Variants in PADI2 observed in about 807,000 individuals in gnomAD.
The protein encoded by PADI2 is protein-arginine deiminase type-2.
PADI2 carries 70 observed loss-of-function variants against 81.1 expected under a neutral mutation model. That is an observed-to-expected ratio of 0.86 (90% CI 0.71 to 1.05). PADI2 has a LOEUF of 1.05. PADI2 is among the 50% of genes least tolerant of loss of function. PADI2 has a pLI of 0.00. For synonymous variants in PADI2, 338 were observed against 358.0 expected (o/e 0.94, Z 0.63); for missense variants, 853 against 889.9 (o/e 0.96, Z 0.53).
chr1:17,096,676 G>A (rs1317895093), intron 3 of PADI2, among the ~76,000 whole-genome samples: 1 of 152,246 alleles, frequency 6.6e-6, no homozygotes, highest in Non-Finnish European at 1.5e-5. Flanking sequence ...CATGGAGACA[G>A]GCTTTGTGGA....
intron 1 of PADI2, among the ~76,000 whole-genome samples, chr1:17,114,952 G>A (rs1252276294): frequency 6.6e-6 from 1 of 152,192 alleles, no homozygotes; most frequent in African/African-American, 2.4e-5. Context: ...GGTAGGGCCT[G>A]GCACACTATG....
At chr1:17,083,390 T>C (rs556132978) in intron 9 of PADI2, 9 of 248,756 alleles carry the variant, frequency 3.6e-5, no homozygotes, top group Non-Finnish European at 6.2e-5. Context: ...CTGAATATGT[T>C]TTCCGTTGAG....
rs543421853 is a variant in PADI2 at position 17,086,443 on chromosome 1, A to T, written c.834+78T>A. ...CGCTTTGAGCAGGGTGGAGCATAGCATAGGAATGGCCCACTAGTAGGAGAC... is the reference window on the plus strand; with the variant it reads ...CGCTTTGAGCAGGGTGGAGCATAGCTTAGGAATGGCCCACTAGTAGGAGAC... On this transcript the variant is annotated intron_variant, in intron 7 of 15. Transcript: ENST00000375486. 2.4e-6 allele frequency: 3 copies of T among 1,242,140 alleles called. No individual in the cohort carries two copies. The East Asian group carries it at 7.6e-5, about 31-fold the overall frequency. The allele number at this position is 1,242,140 out of a possible 1,614,324, so 76.9% of individuals were successfully genotyped here.
At chr1:17,073,711 T>C (rs1433123435) in intron 13 of PADI2, among the ~76,000 whole-genome samples, 1 of 151,966 alleles carries the variant, frequency 6.6e-6, no homozygotes, top group Non-Finnish European at 1.5e-5. Context: ...AATCACACAA[T>C]ACACCCAGGT....
intron 1 of PADI2, among the ~76,000 whole-genome samples, chr1:17,114,223 G>A (rs1470531098): frequency 2.0e-5 from 3 of 152,230 alleles, no homozygotes; most frequent in African/African-American, 7.2e-5. Flanking sequence ...TGAGGCTGGG[G>A]GTGGGGAGCT....
At chr1:17,092,712 G>A (rs979632855) in intron 5 of PADI2, among the ~76,000 whole-genome samples, 179 bp from the exon 6 acceptor site, 1 of 151,824 alleles carries the variant, frequency 6.6e-6, no homozygotes, top group Non-Finnish European at 1.5e-5. Context: ...GCTTTGGGAG[G>A]TTGAGGTGGG....
At position 17,069,067 on chromosome 1, in the gene PADI2, T is replaced by G. The variant is rs2078245531; in HGVS notation, c.1975A>C (p.Lys659Gln). 1 of 1,614,112 alleles carries G rather than the reference T, an allele frequency of 6.2e-7. No homozygotes were observed. The highest frequency in any genetic ancestry group is 2.2e-5 in the East Asian group (1 of 44,884). The change falls in exon 16 of 16, where the codon AAG becomes CAG. Residue 659 changes from lysine (K) to glutamine (Q), a missense_variant. Transcript: ENST00000375486. Reference sequence around the variant, plus strand: ...GGTCAGGGCACCATGTGCCACCACTTGAAGGTGAAGGGCTTCCTGCGGACG... The same window carrying G: ...GGTCAGGGCACCATGTGCCACCACTGGAAGGTGAAGGGCTTCCTGCGGACG... ...TNVRRKPFTF[K>Q]WWHMVP
chr1:17,094,672 A>G (rs893522689), intron 4 of PADI2, among the ~76,000 whole-genome samples: 14 of 152,224 alleles, frequency 9.2e-5, no homozygotes, highest in African/African-American at 3.4e-4. Context: ...GGAACATAAA[A>G]GATGCTCAGC....
At chr1:17,097,450 C>A (rs1413094424) in intron 3 of PADI2, among the ~76,000 whole-genome samples, 1 of 152,204 alleles carries the variant, frequency 6.6e-6, no homozygotes, top group African/African-American at 2.4e-5. Flanking sequence ...GTGTCCCAGC[C>A]TCTGCAGCTG....
rs115427874 is a variant in PADI2 at position 17,098,632 on chromosome 1, A to G, written c.350-2662T>C. On this transcript the variant is annotated intron_variant, in intron 3 of 15. Coordinates refer to ENST00000375486, the MANE Select transcript of PADI2 (RefSeq NM_007365.3). ...CAGGTTTCGTTACCTTCCTGTTACG[A>G]AATGTGGGCATTTCACAGTGTGGCT... 2.4e-3 allele frequency among the ~76,000 whole-genome samples: 370 copies of G among 152,252 alleles called. 2 individuals carry two copies. Among genetic ancestry groups the G allele is most frequent in the African/African-American group, 8.7e-3 (363 of 41,540 alleles).
At chr1:17,111,782 A>G (rs1245906345) in intron 1 of PADI2, among the ~76,000 whole-genome samples, 1 of 152,164 alleles carries the variant, frequency 6.6e-6, no homozygotes, top group Non-Finnish European at 1.5e-5. Flanking sequence ...ACAGTTTGAC[A>G]ACCACTGAGT....
In PADI2 at chr1:17,083,849, G is replaced by A; in HGVS notation, c.939-12C>T. On this transcript the variant is annotated splice_polypyrimidine_tract_variant and intron_variant, in intron 8 of 15. Coordinates refer to ENST00000375486, the MANE Select transcript of PADI2 (RefSeq NM_007365.3). ...AATTATCCTTCATGCTGAGAAGTTG[G>A]GGGAAGAAGGAGAGGCCAGGAGAAA... The A allele has an allele frequency of 6.5e-7, 1 of 1,539,354 alleles. No individual in the cohort carries two copies. The highest frequency in any genetic ancestry group is 9.0e-7 in the Non-Finnish European group (1 of 1,112,120).
chr1:17,075,883 G>A (rs2101574885), intron 11 of PADI2, 60 bp from the exon 12 acceptor site: 1 of 1,544,136 alleles, frequency 6.5e-7, no homozygotes, highest in Admixed American at 1.8e-5. Context: ...GGGCCTGCAA[G>A]AGGAGTTTGG....
chr1:17,096,696 G>A (rs1245337869), intron 3 of PADI2, among the ~76,000 whole-genome samples: 1 of 152,206 alleles, frequency 6.6e-6, no homozygotes, highest in Non-Finnish European at 1.5e-5. Flanking sequence ...AGACTGTAGG[G>A]AAGTGAAAAG....
intron 1 of PADI2, among the ~76,000 whole-genome samples, chr1:17,107,627 G>A (rs999739424): frequency 1.2e-4 from 19 of 152,226 alleles, no homozygotes; most frequent in African/African-American, 4.6e-4. Flanking sequence ...CAGACAATCA[G>A]CACTGCGGTC....
intron 13 of PADI2, 55 bp downstream of exon 13, chr1:17,074,801 G>C: frequency 1.8e-6 from 2 of 1,116,762 alleles, no homozygotes; most frequent in Admixed American, 1.8e-5. Flanking sequence ...CCTCCCGAGG[G>C]TCTCTCTGGG....
chr1:17,104,624 A>G (rs2746499), intron 2 of PADI2, among the ~76,000 whole-genome samples: 131,494 of 151,358 alleles, frequency 0.87, 57,199 homozygotes, highest in South Asian at 0.96. Flanking sequence ...TAGTAGAGAC[A>G]GGGTTTCACC....
At chr1:17,090,762 G>C (rs2101591606) in intron 6 of PADI2, among the ~76,000 whole-genome samples, 1 of 152,122 alleles carries the variant, frequency 6.6e-6, no homozygotes, top group African/African-American at 2.4e-5. Flanking sequence ...AAGCCCTTGT[G>C]GTAGTAGTTC....
chr1:17,079,451 C>G (rs1557760139), intron 10 of PADI2, 36 bp from the exon 11 acceptor site: 7 of 1,578,966 alleles, frequency 4.4e-6, no homozygotes, highest in Non-Finnish European at 6.1e-6. Flanking sequence ...TAGTCTTCTG[C>G]AGCCAGGGTC....
Sources: allele counts gnomAD v4.1 joint callset (sites outside exome capture counted in the v4.1 genomes callset), GRCh38; gene constraint gnomAD v4.1.1; transcripts MANE v1.5; gene names NCBI Gene and HGNC (gene_info 2026-07-23, HGNC 2026-07-21).